The following GRIK4 variants were observed in gnomAD, a reference collection of about 807,000 sequenced individuals.
The protein encoded by GRIK4 is glutamate ionotropic receptor kainate type subunit 4, also known as glutamate receptor ionotropic, kainate 4.
A neutral mutation model predicts 104.9 loss-of-function variants in GRIK4; 40 were observed. That is an observed-to-expected ratio of 0.38 (90% CI 0.30 to 0.50). GRIK4 has a LOEUF of 0.50. GRIK4 is among the 20% of genes least tolerant of loss of function. GRIK4 has a pLI of 0.93. For synonymous variants in GRIK4, 485 were observed against 524.9 expected (o/e 0.92, Z 1.04); for missense variants, 1,047 against 1,308.1 (o/e 0.80, Z 3.08).
At chr11:120,715,659 TG>T (rs752147597) in intron 3 of GRIK4, among the ~76,000 whole-genome samples, 4 of 152,136 alleles carry the variant, frequency 2.6e-5, no homozygotes, top group African/African-American at 7.2e-5. Flanking sequence ...GCAAAAGGCT[TG>T]GGGATTCTCA....
intron 3 of GRIK4, among the ~76,000 whole-genome samples, chr11:120,725,880 A>C (rs1238916879): frequency 6.6e-6 from 1 of 152,210 alleles, no homozygotes; most frequent in Non-Finnish European, 1.5e-5. Context: ...CTTTTCCACA[A>C]AGAGAATTCT....
intron 14 of GRIK4, among the ~76,000 whole-genome samples, chr11:120,942,208 A>C (rs923901814): frequency 4.6e-5 from 7 of 152,180 alleles, no homozygotes; most frequent in Non-Finnish European, 7.3e-5. Flanking sequence ...ATTTATAGAC[A>C]TGGAAACTGA....
intron 7 of GRIK4, among the ~76,000 whole-genome samples, chr11:120,832,547 A>G (rs1953457261): frequency 6.6e-6 from 1 of 152,134 alleles, no homozygotes; most frequent in South Asian, 2.1e-4. Context: ...AGGTAGGTAT[A>G]ATGTCTTCCC....
At chr11:120,708,425 T>C (rs1950665592) in intron 3 of GRIK4, among the ~76,000 whole-genome samples, 1 of 152,074 alleles carries the variant, frequency 6.6e-6, no homozygotes, top group African/African-American at 2.4e-5. Flanking sequence ...TGAATAATCC[T>C]CATCAGAGAG....
At chr11:120,644,919 G>GA (rs989931280) in intron 1 of GRIK4, among the ~76,000 whole-genome samples, 5 of 151,800 alleles carry the variant, frequency 3.3e-5, no homozygotes, top group African/African-American at 4.8e-5. Flanking sequence ...GGACAAAAAA[G>GA]AAAAAAAAGA....
chr11:120,982,006 T>A, intron 19 of GRIK4, 100 bp from the exon 20 acceptor site: 1 of 815,108 alleles, frequency 1.2e-6, no homozygotes, highest in East Asian at 2.4e-5. Context: ...GCATCTACCA[T>A]ACTCAAGTTC....
At chr11:120,760,202 T>G (rs1268474656) in intron 3 of GRIK4, among the ~76,000 whole-genome samples, 1 of 151,800 alleles carries the variant, frequency 6.6e-6, no homozygotes, top group East Asian at 1.9e-4. Flanking sequence ...TGTGAGTTCT[T>G]CTTTATAAAA....
At chr11:120,531,401 T>A (rs1338222875) in intron 1 of GRIK4, among the ~76,000 whole-genome samples, 4 of 152,124 alleles carry the variant, frequency 2.6e-5, no homozygotes, top group Non-Finnish European at 5.9e-5. Flanking sequence ...GCCCAAATAA[T>A]CATTTAGACA....
chr11:120,874,163 G>T lies in GRIK4; in HGVS notation c.1004G>T (p.Cys335Phe). 1 of 1,613,780 alleles carries T rather than the reference G, an allele frequency of 6.2e-7. No individual in the cohort carries two copies. The highest frequency in any genetic ancestry group is 8.5e-7 in the Non-Finnish European group (1 of 1,179,982). ...SQEIGVKPLS[C>F]GSAQIWQHGT... ...GAGATCGGCGTGAAGCCCTTGTCCT[G>T]CGGCTCGGCCCAGATCTGGCAGCAC... Residue 335 changes from cysteine to phenylalanine, a missense_variant, in exon 10 of 21, where the codon TGC (cysteine) becomes TTC (phenylalanine). This residue lies in a region of GRIK4 where 447 missense variants were observed against 514.9 expected (regional missense o/e 0.87). Coordinates refer to ENST00000527524, the MANE Select transcript of GRIK4 (RefSeq NM_014619.5).
At chr11:120,573,027 T>A (rs907023695) in intron 1 of GRIK4, among the ~76,000 whole-genome samples, 4 of 152,210 alleles carry the variant, frequency 2.6e-5, no homozygotes, top group Admixed American at 1.3e-4. Flanking sequence ...ATTGATCTAA[T>A]ACAGTTGTGT....
chr11:120,626,641 T>G (rs4445643), intron 1 of GRIK4, among the ~76,000 whole-genome samples: 94,893 of 151,876 alleles, frequency 0.62, 29,896 homozygotes, highest in African/African-American at 0.66. Context: ...GGAACAGTAG[T>G]CTCCTAGGCA....
Position 120,831,845 on chromosome 11 carries a change from C to A in GRIK4, c.512-7C>A, listed in dbSNP as rs775852962. 3.1e-6 allele frequency: 5 copies of A among 1,610,236 alleles called. No homozygotes were observed. In the Admixed American group the frequency reaches 5.0e-5, roughly 16 times the overall value. ...CCCTCAGGGGCTTCATCCTCTCTCCCCTCCAGGCCTTTTAAACCTAGAGAA... is the reference window on the plus strand; with the variant it reads ...CCCTCAGGGGCTTCATCCTCTCTCCACTCCAGGCCTTTTAAACCTAGAGAA... On this transcript the variant is annotated splice_polypyrimidine_tract_variant and splice_region_variant and intron_variant, in intron 6 of 20. Coordinates refer to ENST00000527524, the MANE Select transcript of GRIK4 (RefSeq NM_014619.5).
intron 8 of GRIK4, among the ~76,000 whole-genome samples, chr11:120,847,717 G>A (rs959953035): frequency 2.0e-4 from 31 of 152,364 alleles, no homozygotes; most frequent in Middle Eastern, 3.4e-3. Flanking sequence ...CCCATGGACA[G>A]CCAACTTACT....
In GRIK4 at chr11:120,939,232, G is replaced by A. The variant is rs759655314; in HGVS notation, c.1477-1115G>A. 6.6e-6 allele frequency among the ~76,000 whole-genome samples: 1 copy of A among 152,198 alleles called. No individual in the cohort carries two copies. The highest frequency in any genetic ancestry group is 1.5e-5 in the Non-Finnish European group (1 of 68,036). On this transcript the variant is annotated intron_variant, in intron 13 of 20. Coordinates refer to ENST00000527524, the MANE Select transcript of GRIK4 (RefSeq NM_014619.5). The surrounding 1 kb of genome is among the most constrained non-coding windows in gnomAD (Gnocchi z 5.6). ...ATACAAGGAAAAACTTCCTGACATA[G>A]AAGAGTATGAGGAAGTCTACATCTT...
At chr11:120,965,756 G>A (rs961427543) in intron 18 of GRIK4, among the ~76,000 whole-genome samples, 4 of 152,246 alleles carry the variant, frequency 2.6e-5, no homozygotes, top group African/African-American at 4.8e-5. Flanking sequence ...CTTGGGGCTT[G>A]TTGGAAATGC....
chr11:120,640,046 T>C (rs1949450774), intron 1 of GRIK4, among the ~76,000 whole-genome samples: 1 of 152,130 alleles, frequency 6.6e-6, no homozygotes, highest in African/African-American at 2.4e-5. Context: ...TCCCATTTGT[T>C]GCCAGAAAGG....
rs536099152 is a variant in GRIK4 at position 120,704,465 on chromosome 11, A to G, written c.82+44065A>G. Among the ~76,000 whole-genome samples, 3 of 152,376 alleles carry G rather than the reference A, an allele frequency of 2.0e-5. No homozygotes were observed. The South Asian group carries it at 6.2e-4, about 32-fold the overall frequency. On this transcript the variant is annotated intron_variant, in intron 3 of 20. Transcript: ENST00000527524. ...ATTTGGGAGTGCCCAAGCTTAGAGC[A>G]GTCACAGCCTCTATCTCAGCTTCGA...
chr11:120,979,739 C>T (rs2134791214), intron 19 of GRIK4, among the ~76,000 whole-genome samples: 1 of 152,240 alleles, frequency 6.6e-6, no homozygotes, highest in South Asian at 2.1e-4. Flanking sequence ...AGCTGGAACA[C>T]AGGTAGCAGA....
At chr11:120,879,775 G>A (rs1418775225) in intron 11 of GRIK4, among the ~76,000 whole-genome samples, 15 of 152,138 alleles carry the variant, frequency 9.9e-5, no homozygotes, top group Admixed American at 9.8e-4. Context: ...TTTTGCACAT[G>A]CGAGATCTCT....
Sources: allele counts gnomAD v4.1 joint callset (sites outside exome capture counted in the v4.1 genomes callset), GRCh38; gene constraint gnomAD v4.1.1; regional missense constraint gnomAD v4.1.1; non-coding constraint Gnocchi (gnomAD v3.1); transcripts MANE v1.5; gene names NCBI Gene and HGNC (gene_info 2026-07-23, HGNC 2026-07-21).